Variants in ETV2 observed in about 807,000 individuals in gnomAD.
ETV2 encodes the protein ETS translocation variant 2.
In ETV2, 34 loss-of-function variants were observed where a neutral mutation model predicts 35.7. The ratio of observed to expected loss-of-function variants is 0.95; its 90% CI spans 0.72 to 1.27. ETV2 has a LOEUF of 1.27. Ranked by LOEUF, ETV2 falls within the 50% of genes most tolerant of loss-of-function variation. The pLI, the probability that ETV2 is intolerant of heterozygous loss-of-function variation, is 0.00. For synonymous variants in ETV2, 207 were observed against 203.9 expected, an observed-to-expected ratio of 1.02 and a Z score of -0.13; for missense variants, 512 against 470.5, an observed-to-expected ratio of 1.09 and a Z score of -0.82.
At position 35,643,875 on chromosome 19, in the gene ETV2, G is replaced by T. The variant is rs759100513; in HGVS notation, c.715+122G>T. ...GGGGGCGGGGGCTTAGGGACCAGGG[G>T]CTCGAAGGAGGGGCCGGTGGCCCGC... On this transcript the variant is annotated intron_variant, in intron 5 of 6. Coordinates refer to ENST00000402764, the MANE Select transcript of ETV2 (RefSeq NM_014209.4). This position sits in a 1 kb window ranked among gnomAD's most constrained non-coding sequence, Gnocchi z 5.0. 7.1e-7 allele frequency: 1 copy of T among 1,417,756 alleles called. No individual in the cohort carries two copies. The highest frequency in any genetic ancestry group is 1.4e-5 in the African/African-American group (1 of 69,544). 87.8% of individuals were successfully genotyped at this position (1,417,756 alleles called of 1,614,324 possible). A position where few individuals can be genotyped will look rare whatever the true frequency, so the allele number is the denominator to read the frequency against.
rs759250056 is a variant in ETV2, at chr19:35,644,834, G to C, written c.1011G>C (p.Arg337=). 3.7e-6 allele frequency: 6 copies of C among 1,605,996 alleles called. No homozygotes were observed. Among genetic ancestry groups the C allele is most frequent in the Admixed American group, 1.7e-5 (1 of 58,594 alleles). Residue 337 remains arginine, a synonymous_variant, in exon 7 of 7, where the codon CGG becomes CGC. Coordinates refer to ENST00000402764, the MANE Select transcript of ETV2 (RefSeq NM_014209.4). The surrounding 1 kb of genome is among the most constrained non-coding windows in gnomAD (Gnocchi z 4.7). ...LAYPDCAGGG[R]GAETQ is the part of the protein sequence containing the mutation. Reference sequence around the variant, plus strand: ...ATCCGGACTGTGCGGGAGGCGGACGGGGAGCAGAGACACAATAAAAATTCC... The same window carrying C: ...ATCCGGACTGTGCGGGAGGCGGACGCGGAGCAGAGACACAATAAAAATTCC...
rs371497382 is a variant in ETV2 at position 35,644,714 on chromosome 19, G to T, written c.891G>T (p.Arg297=). ...KPGMNYEKLS[R]GLRYYYRRDI... ...GCATGAATTACGAGAAGCTGAGCCG[G>T]GGCCTTCGCTACTACTATCGCCGCG... The change falls in exon 7 of 7, where the codon CGG becomes CGT. Residue 297 remains arginine (R), a synonymous_variant. Coordinates refer to ENST00000402764, the MANE Select transcript of ETV2 (RefSeq NM_014209.4). The surrounding 1 kb of genome is among the most constrained non-coding windows in gnomAD (Gnocchi z 4.7). 22 of 1,605,362 alleles carry T rather than the reference G, an allele frequency of 1.4e-5. No individual in the cohort carries two copies. The highest frequency in any genetic ancestry group is 8.5e-5 in the Admixed American group (5 of 58,998).
chr19:35,644,629 G>A lies in ETV2; in HGVS notation c.829-23G>A. The A allele has an allele frequency of 6.3e-7, 1 of 1,596,990 alleles. No homozygotes were observed. Among genetic ancestry groups the A allele is most frequent in the Non-Finnish European group, 8.5e-7 (1 of 1,170,960 alleles). On this transcript the variant is annotated intron_variant, in intron 6 of 6. Coordinates refer to ENST00000402764, the MANE Select transcript of ETV2 (RefSeq NM_014209.4). The surrounding 1 kb of genome is among the most constrained non-coding windows in gnomAD (Gnocchi z 4.7). ...GCCAAGCCCCGCCCCTTCCCACTCC[G>A]ACCGAGCGGGCCTCTGTCCTAGGTG...
chr19:35,643,131 A>T lies in ETV2; in HGVS notation c.235+86A>T. ...GGTGTAGACTCCCTGATCTTTGAGG[A>T]CTGAGAACACCTGCGCCCTCAAGGT... On this transcript the variant is annotated intron_variant, in intron 4 of 6. Coordinates refer to ENST00000402764, the MANE Select transcript of ETV2 (RefSeq NM_014209.4). The surrounding 1 kb of genome is among the most constrained non-coding windows in gnomAD (Gnocchi z 5.0). 1 of 1,377,534 alleles carries T rather than the reference A, an allele frequency of 7.3e-7. No homozygotes were observed. The highest frequency in any genetic ancestry group is 1.3e-5 in the South Asian group (1 of 77,796). The allele number at this position is 1,377,534 out of a possible 1,614,324, so 85.3% of individuals were successfully genotyped here. A position where few individuals can be genotyped will look rare whatever the true frequency, so the allele number is the denominator to read the frequency against.
In ETV2 at chr19:35,642,801, TG is replaced by T; in HGVS notation, c.154+107del. 1 of 816,224 alleles carries T rather than the reference TG, an allele frequency of 1.2e-6. No individual in the cohort carries two copies. 50.6% of individuals were successfully genotyped at this position (816,224 alleles called of 1,614,324 possible). A position where few individuals can be genotyped will look rare whatever the true frequency, so the allele number is the denominator to read the frequency against. On this transcript the variant is annotated intron_variant, in intron 3 of 6. Coordinates refer to ENST00000402764, the MANE Select transcript of ETV2 (RefSeq NM_014209.4). The surrounding 1 kb of genome is among the most constrained non-coding windows in gnomAD (Gnocchi z 4.4). ...GCGTGCCTAGGTTCCTGGGACTGGG[TG>T]GGGAGGGGCCGCGTGCTTGACCCCT...
chr19:35,644,578 C>A lies in ETV2; in HGVS notation c.829-74C>A. The A allele has an allele frequency of 7.0e-7, 1 of 1,433,686 alleles. No individual in the cohort carries two copies. The highest frequency in any genetic ancestry group is 9.4e-7 in the Non-Finnish European group (1 of 1,062,974). The allele number at this position is 1,433,686 out of a possible 1,614,324, so 88.8% of individuals were successfully genotyped here. A position where few individuals can be genotyped will look rare whatever the true frequency, so the allele number is the denominator to read the frequency against. ...CGCCCAGGTCTGCACTGCACACCGC[C>A]CCCAGGCCCGGCCCTCCCCACTATC... On this transcript the variant is annotated intron_variant, in intron 6 of 6. Transcript: ENST00000402764. The surrounding 1 kb of genome is among the most constrained non-coding windows in gnomAD (Gnocchi z 4.7).
Position 35,644,757 on chromosome 19 carries a change from G to A in ETV2, c.934G>A (p.Gly312Arg), listed in dbSNP as rs748758873. 4 of 1,610,544 alleles carry A rather than the reference G, an allele frequency of 2.5e-6. No homozygotes were observed. The highest frequency in any genetic ancestry group is 1.7e-5 in the Admixed American group (1 of 59,644). Residue 312 changes from glycine (G) to arginine (R), a missense_variant, in exon 7 of 7, where the codon GGG becomes AGG. Physicochemically the swap from Gly to Arg is moderately radical, Grantham distance 125 (BLOSUM62 -2). Transcript: ENST00000402764. This position sits in a 1 kb window ranked among gnomAD's most constrained non-coding sequence, Gnocchi z 4.7. ...TCGCCGCGACATCGTGCGCAAGAGC[G>A]GGGGGCGAAAGTACACGTACCGCTT... ...YYRRDIVRKS[G>R]GRKYTYRFGG... is the part of the protein sequence containing the mutation.
At position 35,644,141 on chromosome 19, in the gene ETV2, G is replaced by A. The variant is rs762689089; in HGVS notation, c.716-94G>A. The A allele has an allele frequency of 1.0e-5, 9 of 858,598 alleles. No homozygotes were observed. The highest frequency in any genetic ancestry group is 1.7e-5 in the Non-Finnish European group (9 of 524,160). The allele number at this position is 858,598 out of a possible 1,614,324, so 53.2% of individuals were successfully genotyped here. Reference sequence around the variant, plus strand: ...GGGCGGATCCCCTTCTCGGGTCCTGGGTCCCGAGTTGGGAGGACCCGGACC... The same window carrying A: ...GGGCGGATCCCCTTCTCGGGTCCTGAGTCCCGAGTTGGGAGGACCCGGACC... On this transcript the variant is annotated intron_variant, in intron 5 of 6. Coordinates refer to ENST00000402764, the MANE Select transcript of ETV2 (RefSeq NM_014209.4). The surrounding 1 kb of genome is among the most constrained non-coding windows in gnomAD (Gnocchi z 4.7).
rs369166558 is a variant in ETV2 at position 35,643,480 on chromosome 19, G to T, written c.442G>T (p.Ala148Ser). 7.1e-6 allele frequency: 11 copies of T among 1,547,892 alleles called. No individual in the cohort carries two copies. The East Asian group carries it at 2.7e-4, about 38-fold the overall frequency. The change falls in exon 5 of 7, where the codon GCC becomes TCC. Residue 148 changes from alanine (A) to serine (S), a missense_variant. By Grantham distance (99) the Ala-to-Ser change is moderately conservative (BLOSUM62 1). Coordinates refer to ENST00000402764, the MANE Select transcript of ETV2 (RefSeq NM_014209.4). This position sits in a 1 kb window ranked among gnomAD's most constrained non-coding sequence, Gnocchi z 5.0. ...CACCTCGTGGTCGCGCGCCCAGGCC[G>T]CCGGGAGCAACACCAGCTGGGACTG... ...EATSWSRAQA[A>S]GSNTSWDCSV... is the part of the protein sequence containing the mutation.
In ETV2 at chr19:35,643,275, G is replaced by C; in HGVS notation, c.237G>C (p.Glu79Asp). 1.9e-6 allele frequency: 3 copies of C among 1,594,810 alleles called. No individual in the cohort carries two copies. The highest frequency in any genetic ancestry group is 2.6e-6 in the Non-Finnish European group (3 of 1,173,508). ...CTCGGGATCCGTTACTCCTCACAGA[G>C]CCCGACTCTCAGGCTCTTCCGTGGT... ...LLHPEVPWGA[E>D]PDSQALPWSG... The change falls in exon 5 of 7, where the codon GAG (glutamate) becomes GAC (aspartate). Residue 79 changes from glutamate to aspartate, a missense_variant and splice_region_variant. Glu to Asp is a conservative substitution (Grantham distance 45). Coordinates refer to ENST00000402764, the MANE Select transcript of ETV2 (RefSeq NM_014209.4). The surrounding 1 kb of genome is among the most constrained non-coding windows in gnomAD (Gnocchi z 5.0).
Position 35,642,600 on chromosome 19 carries a change from C to A in ETV2, c.71-15C>A. 6.2e-7 allele frequency: 1 copy of A among 1,611,778 alleles called. No individual in the cohort carries two copies. Among genetic ancestry groups the A allele is most frequent in the African/African-American group, 1.3e-5 (1 of 74,986 alleles). The stretch of plus-strand genomic sequence containing the variant: ...GGTGGGGCCTCTGCTGACCCTAACC[C>A]CTTATCGCCTGCAGAAGGAGCCAAA... On this transcript the variant is annotated splice_polypyrimidine_tract_variant and intron_variant, in intron 2 of 6. Coordinates refer to ENST00000402764, the MANE Select transcript of ETV2 (RefSeq NM_014209.4). The surrounding 1 kb of genome is among the most constrained non-coding windows in gnomAD (Gnocchi z 4.4).
In ETV2 at chr19:35,644,409, C is replaced by G; in HGVS notation, c.828+62C>G. 5 of 1,201,874 alleles carry G rather than the reference C, an allele frequency of 4.2e-6. No individual in the cohort carries two copies. Among genetic ancestry groups the G allele is most frequent in the Non-Finnish European group, 6.0e-6 (5 of 836,054 alleles). 74.5% of individuals were successfully genotyped at this position (1,201,874 alleles called of 1,614,324 possible). On this transcript the variant is annotated intron_variant, in intron 6 of 6. Transcript: ENST00000402764. The surrounding 1 kb of genome is among the most constrained non-coding windows in gnomAD (Gnocchi z 4.7). ...TCTCTTCTAGTTCAATTTAGCTCCG[C>G]CCAAGGGCTAGGTTCAACCGCGTAG...
In ETV2 at chr19:35,644,444, C is replaced by T; in HGVS notation, c.828+97C>T. On this transcript the variant is annotated intron_variant, in intron 6 of 6. Transcript: ENST00000402764. This position sits in a 1 kb window ranked among gnomAD's most constrained non-coding sequence, Gnocchi z 4.7. ...AGGTTCAACCGCGTAGCCCTCGGCCCCGCCGCTCCCCGGCCCACTCGAGGC... is the reference window on the plus strand; with the variant it reads ...AGGTTCAACCGCGTAGCCCTCGGCCTCGCCGCTCCCCGGCCCACTCGAGGC... 2.1e-6 allele frequency: 2 copies of T among 959,186 alleles called. No homozygotes were observed. Among genetic ancestry groups the T allele is most frequent in the Non-Finnish European group, 3.2e-6 (2 of 634,166 alleles). 59.4% of individuals were successfully genotyped at this position (959,186 alleles called of 1,614,324 possible).
chr19:35,643,469 G>C lies in ETV2; in HGVS notation c.431G>C (p.Arg144Pro). Residue 144 changes from arginine to proline, a missense_variant, in exon 5 of 7, where the codon CGC becomes CCC. Transcript: ENST00000402764. The surrounding 1 kb of genome is among the most constrained non-coding windows in gnomAD (Gnocchi z 5.0). Reference protein sequence around the residue: ...PVAGEATSWSRAQAAGSNTSW... With the variant: ...PVAGEATSWSPAQAAGSNTSW... ...GCGGGAGAGGCCACCTCGTGGTCGC[G>C]CGCCCAGGCCGCCGGGAGCAACACC... is the stretch of plus-strand genomic sequence containing the variant. The C allele has an allele frequency of 6.5e-7, 1 of 1,547,720 alleles. No individual in the cohort carries two copies. The highest frequency in any genetic ancestry group is 8.7e-7 in the Non-Finnish European group (1 of 1,145,972).
chr19:35,643,531 T>C lies in ETV2; in HGVS notation c.493T>C (p.Tyr165His). ...DCSVGPDGDT[Y>H]WGSGLGGEPR... ...TTCTGTGGGGCCCGACGGCGATACC[T>C]ACTGGGGCAGTGGCCTGGGCGGGGA... Residue 165 changes from tyrosine (Y) to histidine (H), a missense_variant, in exon 5 of 7, where the codon TAC becomes CAC. Tyr to His is a moderately conservative substitution (Grantham distance 83). Coordinates refer to ENST00000402764, the MANE Select transcript of ETV2 (RefSeq NM_014209.4). This position sits in a 1 kb window ranked among gnomAD's most constrained non-coding sequence, Gnocchi z 5.0. 2 of 1,551,562 alleles carry C rather than the reference T, an allele frequency of 1.3e-6. No homozygotes were observed. Among genetic ancestry groups the C allele is most frequent in the Non-Finnish European group, 1.7e-6 (2 of 1,147,396 alleles).
Position 35,644,157 on chromosome 19 carries a change from G to T in ETV2, c.716-78G>T, listed in dbSNP as rs926206506. 1 of 1,000,660 alleles carries T rather than the reference G, an allele frequency of 1.0e-6. No individual in the cohort carries two copies. The highest frequency in any genetic ancestry group is 1.4e-5 in the South Asian group (1 of 72,660). The allele number at this position is 1,000,660 out of a possible 1,614,324, so 62.0% of individuals were successfully genotyped here. ...CGGGTCCTGGGTCCCGAGTTGGGAG[G>T]ACCCGGACCTCTAGATCATTGAAGT... is the stretch of plus-strand genomic sequence containing the variant. On this transcript the variant is annotated intron_variant, in intron 5 of 6. Transcript: ENST00000402764. The surrounding 1 kb of genome is among the most constrained non-coding windows in gnomAD (Gnocchi z 4.7).
chr19:35,643,179 GC>G lies in ETV2; in HGVS notation c.236-93del. On this transcript the variant is annotated intron_variant, in intron 4 of 6. Transcript: ENST00000402764. The surrounding 1 kb of genome is among the most constrained non-coding windows in gnomAD (Gnocchi z 5.0). The stretch of plus-strand genomic sequence containing the variant: ...GGTGGCATGACCTGGATCCGGGTCA[GC>G]CGGGCCCCAAGTGCCAGGGTTGAGA... 1 of 1,498,406 alleles carries G rather than the reference GC, an allele frequency of 6.7e-7. No individual in the cohort carries two copies. The highest frequency in any genetic ancestry group is 9.0e-7 in the Non-Finnish European group (1 of 1,116,312). The allele number at this position is 1,498,406 out of a possible 1,614,324, so 92.8% of individuals were successfully genotyped here. A position where few individuals can be genotyped will look rare whatever the true frequency, so the allele number is the denominator to read the frequency against.
Position 35,643,739 on chromosome 19 carries a change from A to G in ETV2, c.701A>G (p.Lys234Arg), listed in dbSNP as rs753948910. 5 of 1,613,570 alleles carry G rather than the reference A, an allele frequency of 3.1e-6. No homozygotes were observed. In the Admixed American group the frequency reaches 6.7e-5, roughly 22 times the overall value. ...SDRASLARCP[K>R]TNHRGPIQLW... is the part of the protein sequence containing the mutation. ...CGTGCCAGTTTGGCTCGATGCCCCA[A>G]AACTAACCACCGAGGTGAGAGGGCC... Residue 234 changes from lysine (K) to arginine (R), a missense_variant, in exon 5 of 7, where the codon AAA (lysine) becomes AGA (arginine). Physicochemically the swap from Lys to Arg is conservative, Grantham distance 26. Transcript: ENST00000402764. The surrounding 1 kb of genome is among the most constrained non-coding windows in gnomAD (Gnocchi z 5.0).
At position 35,642,378 on chromosome 19, in the gene ETV2, A is replaced by G; in HGVS notation, c.-27-56A>G. On this transcript the variant is annotated intron_variant, in intron 1 of 6. Coordinates refer to ENST00000402764, the MANE Select transcript of ETV2 (RefSeq NM_014209.4). The surrounding 1 kb of genome is among the most constrained non-coding windows in gnomAD (Gnocchi z 4.4). ...AAGCTAGGGCTGGGGCCCAGACTCC[A>G]GGGCCTCCAAGTGTCACCAGCTCAC... The G allele has an allele frequency of 1.1e-6, 1 of 917,770 alleles. No homozygotes were observed. Among genetic ancestry groups the G allele is most frequent in the Non-Finnish European group, 1.7e-6 (1 of 605,120 alleles). The allele number at this position is 917,770 out of a possible 1,614,324, so 56.9% of individuals were successfully genotyped here.
Sources: gnomAD v4.1 joint callset for allele counts on GRCh38, gnomAD v4.1.1 for gene constraint, Gnocchi (gnomAD v3.1) non-coding constraint, MANE v1.5 for transcripts, NCBI Gene and HGNC (gene_info 2026-07-23, HGNC 2026-07-21) for gene names.